BATF: variants seen among roughly 807,000 people sequenced by gnomAD.
The protein encoded by BATF is basic leucine zipper ATF-like transcription factor.
In BATF, 5 loss-of-function variants were observed where a neutral mutation model predicts 13.7. The observed-to-expected ratio is 0.36, with a 90% CI of 0.19 to 0.77. The LOEUF (loss-of-function observed/expected upper bound fraction) is 0.77. Ranked by LOEUF, BATF falls within the 30% of genes least tolerant of loss-of-function variation. The pLI is 0.51. For synonymous variants in BATF, 72 were observed against 67.5 expected, an observed-to-expected ratio of 1.07 and a Z score of -0.33; for missense variants, 124 against 163.0, an observed-to-expected ratio of 0.76 and a Z score of 1.30.
chr14:75,545,382 T>C (rs1470827200), intron 2 of BATF, among the ~76,000 whole-genome samples: 3 of 125,730 alleles, frequency 2.4e-5, no homozygotes, highest in African/African-American at 9.4e-5. Flanking sequence ...CCACCACGCC[T>C]GGTTAATTTT....
intron 2 of BATF, among the ~76,000 whole-genome samples, chr14:75,538,770 G>A (rs952151663): frequency 3.3e-5 from 5 of 152,154 alleles, no homozygotes; most frequent in African/African-American, 4.8e-5. Context: ...GCATGGTGGC[G>A]GGTGCCCGTA....
intron 2 of BATF, among the ~76,000 whole-genome samples, chr14:75,529,835 C>T (rs1037410154): frequency 5.9e-5 from 9 of 152,032 alleles, no homozygotes; most frequent in East Asian, 1.9e-4. Context: ...GAGGCCGAGG[C>T]GGGCGGATCA....
chr14:75,545,480 C>G (rs771985024), intron 2 of BATF, among the ~76,000 whole-genome samples: 4 of 150,444 alleles, frequency 2.7e-5, no homozygotes, highest in African/African-American at 9.8e-5. Flanking sequence ...GGTGATCCAC[C>G]CACCTCCGCC....
chr14:75,533,243 A>G (rs1418946416), intron 2 of BATF, among the ~76,000 whole-genome samples: 1 of 152,104 alleles, frequency 6.6e-6, no homozygotes, highest in East Asian at 1.9e-4. Context: ...CCTGGCCAAC[A>G]CAGTGAAACC....
At chr14:75,534,970 C>A (rs1301923714) in intron 2 of BATF, among the ~76,000 whole-genome samples, 1 of 152,120 alleles carries the variant, frequency 6.6e-6, no homozygotes, top group South Asian at 2.1e-4. Flanking sequence ...ATTAGAAGAC[C>A]ACTTTAAGTA....
intron 2 of BATF, among the ~76,000 whole-genome samples, chr14:75,528,547 C>T (rs1024249001): frequency 6.6e-6 from 1 of 152,194 alleles, no homozygotes; most frequent in Admixed American, 6.5e-5. Flanking sequence ...TGATTCCTTT[C>T]GTAATTGTGA....
intron 2 of BATF, among the ~76,000 whole-genome samples, chr14:75,539,508 G>C (rs1887866030): frequency 7.0e-6 from 1 of 142,260 alleles, no homozygotes; most frequent in Non-Finnish European, 1.5e-5. Context: ...GTTTGGGATG[G>C]ACGCTGAATG....
intron 2 of BATF, among the ~76,000 whole-genome samples, chr14:75,532,843 G>A (rs1004836903): frequency 1.3e-5 from 2 of 152,178 alleles, no homozygotes; most frequent in South Asian, 2.1e-4. Context: ...ACCCTTTCAC[G>A]TAAAATTTGT....
intron 2 of BATF, among the ~76,000 whole-genome samples, chr14:75,537,308 C>T (rs1426394938): frequency 2.0e-5 from 3 of 152,156 alleles, no homozygotes; most frequent in African/African-American, 7.2e-5. Context: ...CCCAGATTTA[C>T]AAAGTAGAAG....
chr14:75,545,795 C>T (rs1224950286), intron 2 of BATF, among the ~76,000 whole-genome samples: 2 of 152,084 alleles, frequency 1.3e-5, no homozygotes, highest in Non-Finnish European at 2.9e-5. Context: ...GAGACCCCTA[C>T]ATGCATACAC....
intron 2 of BATF, among the ~76,000 whole-genome samples, chr14:75,536,875 A>G (rs532855455): frequency 6.6e-6 from 1 of 152,338 alleles, no homozygotes; most frequent in Non-Finnish European, 1.5e-5. Flanking sequence ...TAAGTTGAGA[A>G]GCAATAGCAC....
intron 2 of BATF, among the ~76,000 whole-genome samples, chr14:75,545,378 C>T (rs992943882): frequency 7.6e-5 from 11 of 143,854 alleles, no homozygotes; most frequent in African/African-American, 1.9e-4. Flanking sequence ...TGCACCACCA[C>T]GCCTGGTTAA....
rs370111531 is a variant in BATF, at chr14:75,522,753, C to T, written c.63+8C>T. The T allele has an allele frequency of 1.2e-6, 2 of 1,613,988 alleles. No homozygotes were observed. The highest frequency in any genetic ancestry group is 1.3e-5 in the African/African-American group (1 of 74,924). ...CCTCCCCCTGGCAAACAGGTAGAGT[C>T]CTCCTTTTTCTCTCTCCTACCTTCT... On this transcript the variant is annotated splice_region_variant and intron_variant, in intron 1 of 2. Coordinates refer to ENST00000286639, the MANE Select transcript of BATF (RefSeq NM_006399.5).
intron 2 of BATF, among the ~76,000 whole-genome samples, chr14:75,535,798 A>G (rs1159970602): frequency 4.6e-5 from 7 of 152,244 alleles, no homozygotes; most frequent in Non-Finnish European, 8.8e-5. Context: ...ATGAAAACTC[A>G]GAAGTGATAA....
At chr14:75,538,856 G>A (rs184238309) in intron 2 of BATF, among the ~76,000 whole-genome samples, 7 of 152,346 alleles carry the variant, frequency 4.6e-5, no homozygotes, top group South Asian at 2.1e-4. Flanking sequence ...AGCCGAGATC[G>A]TGCCACTGCA....
At chr14:75,528,220 G>A (rs2140035311) in intron 2 of BATF, among the ~76,000 whole-genome samples, 1 of 152,310 alleles carries the variant, frequency 6.6e-6, no homozygotes, top group South Asian at 2.1e-4. Flanking sequence ...GAGGGTTTGG[G>A]AGCTACTGAG....
chr14:75,543,097 C>G (rs1018865127), intron 2 of BATF, among the ~76,000 whole-genome samples: 3 of 152,208 alleles, frequency 2.0e-5, no homozygotes, highest in African/African-American at 7.2e-5. Flanking sequence ...GGACTCCCGG[C>G]CCCCAGTTCC....
chr14:75,531,163 A>G (rs779558113), intron 2 of BATF, among the ~76,000 whole-genome samples: 20 of 152,350 alleles, frequency 1.3e-4, no homozygotes, highest in Non-Finnish European at 2.8e-4. Flanking sequence ...AACATCATAC[A>G]TAAATATCTC....
chr14:75,528,724 C>T (rs1887688140), intron 2 of BATF, among the ~76,000 whole-genome samples: 1 of 152,120 alleles, frequency 6.6e-6, no homozygotes, highest in Admixed American at 6.5e-5. Flanking sequence ...CAGTTAGTTT[C>T]TAAAAGATAT....
Sources: gnomAD v4.1 joint callset for allele counts (sites outside exome capture counted in the v4.1 genomes callset) on GRCh38, gnomAD v4.1.1 for gene constraint, MANE v1.5 for transcripts, NCBI Gene and HGNC (gene_info 2026-07-23, HGNC 2026-07-21) for gene names.